Variants in INSC observed in about 807,000 individuals in gnomAD.
INSC encodes INSC spindle orientation adaptor protein.
INSC carries 67 observed loss-of-function variants against 58.6 expected under a neutral mutation model. The ratio of observed to expected loss-of-function variants is 1.14; its 90% CI spans 0.94 to 1.40. INSC has a LOEUF of 1.40. INSC is among the 40% of genes most tolerant of loss of function. The pLI is 0.00. For synonymous variants in INSC, 262 were observed against 276.1 expected (o/e 0.95, Z 0.51); for missense variants, 714 against 692.0 (o/e 1.03, Z -0.36).
rs74574189 is a variant in INSC at position 15,245,401 on chromosome 11, G to T, written c.1471-511G>T. On this transcript the variant is annotated intron_variant, in intron 12 of 12. Transcript: ENST00000379556. ...ACAAAATAGAAATAGCATACTCATT[G>T]CTCATTGTGTGGGGAGCTGGGGAGT... Among the ~76,000 whole-genome samples the T allele has an allele frequency of 8.4e-3, 1,272 of 152,290 alleles. 15 individuals are homozygous for T. The highest frequency in any genetic ancestry group is 0.03 in the African/African-American group (1,229 of 41,562).
In INSC at chr11:15,192,431, T is replaced by G. The variant is rs191552633; in HGVS notation, c.693+1617T>G. ...TTTCCAGACACGCTCCCACCTGTGGTGTCTAAAAAGAGTAGCAGGCACTGT... is the reference window on the plus strand; with the variant it reads ...TTTCCAGACACGCTCCCACCTGTGGGGTCTAAAAAGAGTAGCAGGCACTGT... On this transcript the variant is annotated intron_variant, in intron 6 of 12. Coordinates refer to ENST00000379556, the MANE Select transcript of INSC (RefSeq NM_001042536.3). Among the ~76,000 whole-genome samples, 11 of 152,360 alleles carry G rather than the reference T, an allele frequency of 7.2e-5. No individual in the cohort carries two copies. In the East Asian group the frequency reaches 2.1e-3, roughly 29 times the overall value.
chr11:15,234,767 C>T (rs975148874), intron 9 of INSC, among the ~76,000 whole-genome samples: 5 of 152,136 alleles, frequency 3.3e-5, no homozygotes, highest in African/African-American at 1.2e-4. Context: ...TAACAGGTGC[C>T]ATGTTCCCAA....
downstream of INSC, among the ~76,000 whole-genome samples, chr11:15,249,032 C>A (rs1852622268): frequency 6.6e-6 from 1 of 152,020 alleles, no homozygotes; most frequent in Non-Finnish European, 1.5e-5. Context: ...CATAAGGACT[C>A]AGCCGCTGTG....
In INSC at chr11:15,190,765, T is replaced by A; in HGVS notation, c.644T>A (p.Leu215Gln). Reference protein sequence around the residue: ...IYTTESTTGNLFSLTQEGAPL... With the variant: ...IYTTESTTGNQFSLTQEGAPL... ...ACCACAGAGTCCACCACAGGGAACC[T>A]GTTCAGCCTGACCCAGGAGGGGGCT... The change falls in exon 6 of 13, where the codon CTG (leucine) becomes CAG (glutamine). Residue 215 changes from leucine (L) to glutamine (Q), a missense_variant. Transcript: ENST00000379556. 6.2e-7 allele frequency: 1 copy of A among 1,613,984 alleles called. No homozygotes were observed. Among genetic ancestry groups the A allele is most frequent in the Non-Finnish European group, 8.5e-7 (1 of 1,179,844 alleles).
At chr11:15,256,657 T>C in the INSC span, among the ~76,000 whole-genome samples, 154 of 152,146 alleles carry the variant, frequency 1.0e-3, no homozygotes, top group Middle Eastern at 3.4e-3. Context: ...GCCCAGCTAA[T>C]TTTTGTATTT....
rs140919365 is a variant in INSC at position 15,178,193 on chromosome 11, C to A, written c.456-131C>A. 10 of 1,230,110 alleles carry A rather than the reference C, an allele frequency of 8.1e-6. No homozygotes were observed. The East Asian group carries it at 2.1e-4, about 26-fold the overall frequency. 76.2% of individuals were successfully genotyped at this position (1,230,110 alleles called of 1,614,324 possible). ...GCAAGCCAGCTGTGGAATATTCCAT[C>A]TCTGACTCCCAGTTGCCAATGTCTT... is the stretch of plus-strand genomic sequence containing the variant. On this transcript the variant is annotated intron_variant, in intron 4 of 12. Coordinates refer to ENST00000379556, the MANE Select transcript of INSC (RefSeq NM_001042536.3).
intron 7 of INSC, among the ~76,000 whole-genome samples, chr11:15,217,084 A>G (rs1304393774): frequency 6.6e-6 from 1 of 152,212 alleles, no homozygotes; most frequent in Non-Finnish European, 1.5e-5. Context: ...GTAAGGACAT[A>G]TCCAAGACTG....
chr11:15,190,978 A>C (rs1425500693), intron 6 of INSC, among the ~76,000 whole-genome samples, 164 bp downstream of exon 6: 3 of 128,668 alleles, frequency 2.3e-5, no homozygotes, highest in Middle Eastern at 4.2e-3. Flanking sequence ...TGGTGTGTGC[A>C]TTTTTTTTTT....
chr11:15,259,364 A>G, the INSC span, among the ~76,000 whole-genome samples: 1 of 152,194 alleles, frequency 6.6e-6, no homozygotes, highest in African/African-American at 2.4e-5. Context: ...AAAAATTAAA[A>G]GAATTCTATT....
the INSC span, among the ~76,000 whole-genome samples, chr11:15,265,080 T>C: frequency 1.3e-5 from 2 of 152,062 alleles, no homozygotes; most frequent in African/African-American, 4.8e-5. Flanking sequence ...GAATGAAAGG[T>C]AAAAGTGTTG....
At chr11:15,231,036 C>CGCCCTGG (rs1851905115) in intron 9 of INSC, among the ~76,000 whole-genome samples, 1 of 152,188 alleles carries the variant, frequency 6.6e-6, no homozygotes. Flanking sequence ...TCAGGTCCTG[C>CGCCCTGG]GCCCTGGGCC....
chr11:15,139,121 C>T (rs1339859964), intron 1 of INSC, among the ~76,000 whole-genome samples: 1 of 152,170 alleles, frequency 6.6e-6, no homozygotes, highest in African/African-American at 2.4e-5. Context: ...GGTATAAAGA[C>T]CCCTCCAACC....
chr11:15,251,193 A>G (rs1357972751), downstream of INSC, among the ~76,000 whole-genome samples: 1 of 152,220 alleles, frequency 6.6e-6, no homozygotes, highest in Non-Finnish European at 1.5e-5. Flanking sequence ...AACTCCAACT[A>G]GACATCCGCA....
At chr11:15,268,555 A>C in the INSC span, among the ~76,000 whole-genome samples, 1 of 152,100 alleles carries the variant, frequency 6.6e-6, no homozygotes, top group Admixed American at 6.6e-5. Flanking sequence ...AAAATGACAA[A>C]TAATATTTTA....
intron 1 of INSC, among the ~76,000 whole-genome samples, chr11:15,119,517 G>A (rs1847816611): frequency 6.6e-6 from 1 of 152,214 alleles, no homozygotes; most frequent in Admixed American, 6.5e-5. Context: ...TTGGTGTGAT[G>A]CAGTGTCTGT....
the INSC span, among the ~76,000 whole-genome samples, chr11:15,256,653 C>A: frequency 6.6e-6 from 1 of 152,086 alleles, no homozygotes; most frequent in African/African-American, 2.4e-5. Context: ...CCACGCCCAG[C>A]TAATTTTTGT....
At chr11:15,227,775 C>G (rs1309612529) in intron 9 of INSC, among the ~76,000 whole-genome samples, 1 of 152,170 alleles carries the variant, frequency 6.6e-6, no homozygotes, top group Non-Finnish European at 1.5e-5. Flanking sequence ...CTTACTCATG[C>G]TCATGTTCTC....
chr11:15,167,214 G>A (rs982097290), intron 2 of INSC, among the ~76,000 whole-genome samples: 9 of 151,866 alleles, frequency 5.9e-5, no homozygotes, highest in Non-Finnish European at 5.9e-5. Flanking sequence ...GGGGGTTCTC[G>A]AGCAGCCAAC....
intron 7 of INSC, among the ~76,000 whole-genome samples, chr11:15,202,107 G>A (rs967780030): frequency 1.3e-5 from 2 of 152,184 alleles, no homozygotes; most frequent in Non-Finnish European, 2.9e-5. Context: ...AAGGCTATGG[G>A]TCAGAATGGG....
Sources: allele counts gnomAD v4.1 joint callset (sites outside exome capture counted in the v4.1 genomes callset), GRCh38; gene constraint gnomAD v4.1.1; transcripts MANE v1.5; gene names NCBI Gene and HGNC (gene_info 2026-07-23, HGNC 2026-07-21).